ARHGEF10: variants seen among roughly 807,000 people sequenced by gnomAD.
ARHGEF10 encodes the protein Rho guanine nucleotide exchange factor 10.
ARHGEF10 carries 140 observed loss-of-function variants against 147.4 expected under a neutral mutation model. The observed-to-expected ratio is 0.95, with a 90% confidence interval of 0.83 to 1.09. ARHGEF10 has a LOEUF of 1.09. ARHGEF10 is among the 50% of genes least tolerant of loss of function. ARHGEF10 has a pLI of 0.00. For synonymous variants in ARHGEF10, 902 were observed against 695.8 expected (o/e 1.30, Z -4.67); for missense variants, 2,222 against 1,752.7 (o/e 1.27, Z -4.78).
chr8:1,867,779 A>G (rs961996433), intron 6 of ARHGEF10, among the ~76,000 whole-genome samples: 2 of 152,128 alleles, frequency 1.3e-5, no homozygotes, highest in African/African-American at 2.4e-5. Context: ...ACTAATTTCT[A>G]TGTTACTGTT....
intron 6 of ARHGEF10, 107 bp downstream of exon 6, chr8:1,866,709 A>G (rs2129088337): frequency 9.4e-7 from 1 of 1,063,572 alleles, no homozygotes; most frequent in East Asian, 2.4e-5. Context: ...CTAAAACTCT[A>G]AAAAGATGTT....
chr8:1,886,325 C>T (rs777485976), intron 11 of ARHGEF10, among the ~76,000 whole-genome samples: 4 of 152,046 alleles, frequency 2.6e-5, no homozygotes, highest in African/African-American at 7.2e-5. Flanking sequence ...ACATGGGCAG[C>T]GAGGTGCAAA....
At chr8:1,878,739 C>T (rs992929884) in intron 8 of ARHGEF10, among the ~76,000 whole-genome samples, 1 of 152,192 alleles carries the variant, frequency 6.6e-6, no homozygotes, top group Non-Finnish European at 1.5e-5. Flanking sequence ...ATTCAGGAGA[C>T]CCTGCCCTTG....
At position 1,929,419 on chromosome 8, in the gene ARHGEF10, G is replaced by T; in HGVS notation, c.3055G>T (p.Val1019Phe). Residue 1019 changes from valine (V) to phenylalanine (F), a missense_variant, in exon 25 of 29, where the codon GTC becomes TTC. Transcript: ENST00000349830. ...SLYAGLVNGAVASYARAPDGS... is the reference protein window; with the variant it reads ...SLYAGLVNGAFASYARAPDGS... Reference sequence around the variant, plus strand: ...GTACGCTGGCCTGGTCAACGGGGCAGTCGCCAGCTACGCCAGAGCCCCAGG... The same window carrying T: ...GTACGCTGGCCTGGTCAACGGGGCATTCGCCAGCTACGCCAGAGCCCCAGG... 4 of 1,610,658 alleles carry T rather than the reference G, an allele frequency of 2.5e-6. No homozygotes were observed. Among genetic ancestry groups the T allele is most frequent in the Non-Finnish European group, 3.4e-6 (4 of 1,178,668 alleles).
chr8:1,861,862 G>A (rs777996903), intron 4 of ARHGEF10, among the ~76,000 whole-genome samples: 9 of 152,006 alleles, frequency 5.9e-5, no homozygotes, highest in African/African-American at 1.9e-4. Flanking sequence ...AGGAAAATAC[G>A]TTTGTTTTAA....
At chr8:1,893,974 G>C (rs576991155) in intron 12 of ARHGEF10, among the ~76,000 whole-genome samples, 339 of 152,146 alleles carry the variant, frequency 2.2e-3, no homozygotes, top group Non-Finnish European at 3.5e-3. Context: ...AGGAGTTCGA[G>C]ACCAGCCTGG....
intron 27 of ARHGEF10, among the ~76,000 whole-genome samples, chr8:1,949,956 C>T (rs1814895436): frequency 6.6e-6 from 1 of 152,138 alleles, no homozygotes; most frequent in Non-Finnish European, 1.5e-5. Flanking sequence ...TTGAATGAAC[C>T]TGGATGGTGT....
intron 16 of ARHGEF10, 73 bp from the exon 17 acceptor site, chr8:1,905,498 C>T (rs1810810975): frequency 6.3e-7 from 1 of 1,593,518 alleles, no homozygotes; most frequent in African/African-American, 1.3e-5. Context: ...GACTCCATAC[C>T]AGACTTCTCC....
intron 23 of ARHGEF10, 68 bp from the exon 24 acceptor site, chr8:1,928,359 A>C: frequency 4.2e-6 from 6 of 1,440,542 alleles, no homozygotes; most frequent in South Asian, 1.1e-5. Flanking sequence ...TTTAAGGGTC[A>C]GGTTCCAGCG....
At chr8:1,861,709 G>C (rs972262726) in intron 4 of ARHGEF10, among the ~76,000 whole-genome samples, 2 of 152,156 alleles carry the variant, frequency 1.3e-5, no homozygotes, top group Non-Finnish European at 2.9e-5. Flanking sequence ...ACGGCCTCCT[G>C]TGCGTTTTCC....
chr8:1,861,276 C>T (rs1055234065), intron 4 of ARHGEF10, among the ~76,000 whole-genome samples: 4 of 152,238 alleles, frequency 2.6e-5, no homozygotes, highest in Non-Finnish European at 4.4e-5. Context: ...GCTGTGTCTG[C>T]AGAGCCACAG....
In ARHGEF10 at chr8:1,857,940, G is replaced by A. The variant is rs1805699570; in HGVS notation, c.38-20G>A. On this transcript the variant is annotated intron_variant, in intron 2 of 28. Coordinates refer to ENST00000349830, the MANE Select transcript of ARHGEF10 (RefSeq NM_014629.4). ...TATCTATCTATCTCTCCTTGATGTGGTTTTGGTTTTTCTTTTTAGAAAATG... is the reference window on the plus strand; with the variant it reads ...TATCTATCTATCTCTCCTTGATGTGATTTTGGTTTTTCTTTTTAGAAAATG... 3 of 1,589,904 alleles carry A rather than the reference G, an allele frequency of 1.9e-6. No individual in the cohort carries two copies. Among genetic ancestry groups the A allele is most frequent in the Non-Finnish European group, 1.7e-6 (2 of 1,159,660 alleles).
chr8:1,888,121 G>T (rs1334734880), intron 11 of ARHGEF10, among the ~76,000 whole-genome samples: 7 of 88,014 alleles, frequency 8.0e-5, no homozygotes, highest in African/African-American at 7.0e-4. Context: ...ACACTTAGTG[G>T]GGTGAGGGTT....
At chr8:1,840,352 G>A (rs62477496) in intron 1 of ARHGEF10, among the ~76,000 whole-genome samples, 1,086 of 125,236 alleles carry the variant, frequency 8.7e-3, no homozygotes, top group South Asian at 0.023. Context: ...GGGACTGTCT[G>A]GTGTGGAAGC....
intron 26 of ARHGEF10, among the ~76,000 whole-genome samples, chr8:1,936,553 A>G (rs965738831): frequency 6.6e-6 from 1 of 152,182 alleles, no homozygotes; most frequent in African/African-American, 2.4e-5. Flanking sequence ...GTCACAGGAA[A>G]GTGTCTTCAG....
chr8:1,877,870 G>A (rs1293315671), intron 8 of ARHGEF10, among the ~76,000 whole-genome samples: 1 of 152,076 alleles, frequency 6.6e-6, no homozygotes, highest in Non-Finnish European at 1.5e-5. Flanking sequence ...GATAGAGATG[G>A]TGAACGGATG....
At chr8:1,913,711 G>C (rs1376298908) in intron 18 of ARHGEF10, among the ~76,000 whole-genome samples, 1 of 152,230 alleles carries the variant, frequency 6.6e-6, no homozygotes, top group African/African-American at 2.4e-5. Context: ...TTTGCAGCAA[G>C]AGGGGAAGTC....
intron 1 of ARHGEF10, among the ~76,000 whole-genome samples, chr8:1,837,249 G>A (rs1275372152): frequency 4.0e-5 from 6 of 151,538 alleles, no homozygotes; most frequent in Admixed American, 1.3e-4. Flanking sequence ...TGCGCTGTGC[G>A]GAGCCGCAGG....
Position 1,923,079 on chromosome 8 carries a change from G to A in ARHGEF10, c.2259G>A (p.Gln753=). ...TAGGAAACCTTAAAGGAAACTATCA[G>A]GTAACAATTGAAGCAATTGGATTTA... The part of the protein sequence containing the change: ...QLIGNLKGNY[Q]NLNQSVAHDW... Residue 753 remains glutamine (Q), a splice_region_variant and synonymous_variant, in exon 19 of 29, where the codon CAG becomes CAA. Coordinates refer to ENST00000349830, the MANE Select transcript of ARHGEF10 (RefSeq NM_014629.4). The A allele has an allele frequency of 1.3e-6, 2 of 1,591,742 alleles. No homozygotes were observed. Among genetic ancestry groups the A allele is most frequent in the Non-Finnish European group, 1.7e-6 (2 of 1,160,918 alleles).
Sources: gnomAD v4.1 joint callset for allele counts (sites outside exome capture counted in the v4.1 genomes callset) on GRCh38, gnomAD v4.1.1 for gene constraint, MANE v1.5 for transcripts, NCBI Gene and HGNC (gene_info 2026-07-23, HGNC 2026-07-21) for gene names.